The following ST3GAL6 variants were observed in gnomAD, a reference collection of about 807,000 sequenced individuals.
ST3GAL6 encodes the protein ST3 beta-galactoside alpha-2,3-sialyltransferase 6.
In ST3GAL6, 31 loss-of-function variants were observed where a neutral mutation model predicts 40.5. The observed-to-expected ratio is 0.77, with a 90% CI of 0.58 to 1.03. ST3GAL6 has a LOEUF of 1.03. Among genes scored for constraint, ST3GAL6 ranks in the 50% least tolerant of loss-of-function variants. The pLI is 0.00. For synonymous variants in ST3GAL6, 129 were observed against 136.9 expected (o/e 0.94, Z 0.40); for missense variants, 357 against 393.2 (o/e 0.91, Z 0.78).
chr3:98,778,519 C>T (rs1401498076), intron 5 of ST3GAL6, among the ~76,000 whole-genome samples: 4 of 152,228 alleles, frequency 2.6e-5, no homozygotes, highest in African/African-American at 9.6e-5. Flanking sequence ...TCTACATCAA[C>T]AGAGTGAATC....
At chr3:98,757,703 T>G (rs72932650) in intron 1 of ST3GAL6, among the ~76,000 whole-genome samples, 128 of 152,352 alleles carry the variant, frequency 8.4e-4, no homozygotes, top group African/African-American at 3.0e-3. Flanking sequence ...TGTGCTTTGG[T>G]GTCTTTATCT....
At position 98,791,801 on chromosome 3, in the gene ST3GAL6, T is replaced by C. The variant is rs534279659; in HGVS notation, c.757-40T>C. On this transcript the variant is annotated intron_variant, in intron 8 of 9. Transcript: ENST00000483910. ...CAAATATGCTTTGGTAACAAGTAGC[T>C]CCTTTTGCTTAAAAAAGTTTTTTTC... 3.0e-5 allele frequency: 47 copies of C among 1,576,326 alleles called. 1 individual carries two copies. The South Asian group carries it at 5.4e-4, about 18-fold the overall frequency.
chr3:98,780,120 G>C (rs1287857389), intron 5 of ST3GAL6, among the ~76,000 whole-genome samples: 1 of 152,218 alleles, frequency 6.6e-6, no homozygotes, highest in Non-Finnish European at 1.5e-5. Flanking sequence ...AAGTCAAGGA[G>C]AGAATGAATC....
intron 8 of ST3GAL6, among the ~76,000 whole-genome samples, chr3:98,790,323 C>T (rs532780292): frequency 6.6e-6 from 1 of 152,094 alleles, no homozygotes; most frequent in Non-Finnish European, 1.5e-5. Flanking sequence ...TGAAAAGTTG[C>T]TGAAGTTACA....
chr3:98,733,344 A>G (rs1048131572), intron 1 of ST3GAL6: 2 of 1,105,256 alleles, frequency 1.8e-6, no homozygotes, highest in Non-Finnish European at 2.2e-6. Context: ...GGGCCGAGAG[A>G]ATCTGCTCTG....
chr3:98,772,843 G>A lies in ST3GAL6; in HGVS notation c.198G>A (p.Ala66=), dbSNP rs34064986. ...ATCAGTTTCACCCTTTTCTGTGTGC[G>A]GCTGATTTTAGAAAGATTGCTTCCT... ...RFHQFHPFLC[A]ADFRKIASLY... The change falls in exon 4 of 10, where the codon GCG becomes GCA. Residue 66 remains alanine, a synonymous_variant. Coordinates refer to ENST00000483910, the MANE Select transcript of ST3GAL6 (RefSeq NM_001323368.2). 271 of 1,613,208 alleles carry A rather than the reference G, an allele frequency of 1.7e-4. No homozygotes were observed. The African/African-American group carries it at 2.8e-3, about 16-fold the overall frequency.
chr3:98,747,490 C>A (rs910949528), intron 1 of ST3GAL6, among the ~76,000 whole-genome samples: 1 of 152,128 alleles, frequency 6.6e-6, no homozygotes, highest in Admixed American at 6.5e-5. Flanking sequence ...TAAAGTATTT[C>A]TAGCAATTTG....
chr3:98,787,067 G>A (rs1322610076), intron 6 of ST3GAL6, among the ~76,000 whole-genome samples: 1 of 151,910 alleles, frequency 6.6e-6, no homozygotes, highest in Non-Finnish European at 1.5e-5. Flanking sequence ...CAGCTTTGGG[G>A]GTTTTGTGGG....
At chr3:98,776,529 T>C (rs1002922742) in intron 5 of ST3GAL6, among the ~76,000 whole-genome samples, 1 of 152,208 alleles carries the variant, frequency 6.6e-6, no homozygotes, top group Non-Finnish European at 1.5e-5. Context: ...ATATTTAGGC[T>C]GGCTTGTCCT....
At chr3:98,750,110 T>C (rs1292656066) in intron 1 of ST3GAL6, among the ~76,000 whole-genome samples, 1 of 152,244 alleles carries the variant, frequency 6.6e-6, no homozygotes, top group African/African-American at 2.4e-5. Flanking sequence ...TTTAGAGCCA[T>C]GTTTTCTTGC....
intron 1 of ST3GAL6, among the ~76,000 whole-genome samples, chr3:98,744,545 T>C (rs1199885771): frequency 6.6e-6 from 1 of 152,196 alleles, no homozygotes; most frequent in Admixed American, 6.5e-5. Flanking sequence ...TTTTTCTTCA[T>C]TTCTTGACTC....
chr3:98,779,113 T>A (rs1311325328), intron 5 of ST3GAL6, among the ~76,000 whole-genome samples: 6 of 152,140 alleles, frequency 3.9e-5, no homozygotes, highest in African/African-American at 1.2e-4. Context: ...GGCTCCAGGG[T>A]AGTTTTTCTG....
chr3:98,756,933 T>C (rs1404964157), intron 1 of ST3GAL6, among the ~76,000 whole-genome samples: 1 of 152,238 alleles, frequency 6.6e-6, no homozygotes, highest in Non-Finnish European at 1.5e-5. Flanking sequence ...CAAGAGGGTT[T>C]CCCTCTTTGG....
chr3:98,785,744 G>A (rs1940640551), intron 6 of ST3GAL6, among the ~76,000 whole-genome samples: 1 of 152,198 alleles, frequency 6.6e-6, no homozygotes, highest in Admixed American at 6.5e-5. Flanking sequence ...GTCTGGTTAT[G>A]TCTTAAATAT....
chr3:98,749,134 A>T (rs1395505620), intron 1 of ST3GAL6, among the ~76,000 whole-genome samples: 1 of 152,264 alleles, frequency 6.6e-6, no homozygotes, highest in African/African-American at 2.4e-5. Flanking sequence ...TGAAGAAATC[A>T]ACAAAGTTAC....
intron 1 of ST3GAL6, chr3:98,756,431 A>G (rs1937425147): frequency 3.1e-6 from 4 of 1,289,826 alleles, no homozygotes; most frequent in Non-Finnish European, 4.0e-6. Context: ...GAGAGGCCCC[A>G]GCAATTCAGC....
intron 1 of ST3GAL6, among the ~76,000 whole-genome samples, chr3:98,738,085 C>G (rs1236679869): frequency 1.5e-5 from 2 of 136,600 alleles, no homozygotes; most frequent in African/African-American, 5.4e-5. Flanking sequence ...TAGCCTCCCC[C>G]CGCCCTCCCC....
chr3:98,755,717 C>A (rs1027625575), intron 1 of ST3GAL6, among the ~76,000 whole-genome samples: 1 of 151,966 alleles, frequency 6.6e-6, no homozygotes, highest in African/African-American at 2.4e-5. Context: ...TTTTAACGTC[C>A]TAAAGAGCAT....
chr3:98,751,129 C>T (rs770252222), intron 1 of ST3GAL6, among the ~76,000 whole-genome samples: 1 of 151,758 alleles, frequency 6.6e-6, no homozygotes, highest in Non-Finnish European at 1.5e-5. Flanking sequence ...GGAGCCTCTG[C>T]CTCCCAGGTT....
Sources: gnomAD v4.1 joint callset for allele counts (sites outside exome capture counted in the v4.1 genomes callset) on GRCh38, gnomAD v4.1.1 for gene constraint, MANE v1.5 for transcripts, NCBI Gene and HGNC (gene_info 2026-07-23, HGNC 2026-07-21) for gene names.